The following CTR9 variants were observed in gnomAD, a reference collection of about 807,000 sequenced individuals.
CTR9 encodes RNA polymerase-associated protein CTR9 homolog.
A neutral mutation model predicts 152.1 loss-of-function variants in CTR9; 41 were observed. The ratio of observed to expected loss-of-function variants is 0.27; its 90% confidence interval spans 0.21 to 0.35. The LOEUF is 0.35. Among genes scored for constraint, CTR9 ranks in the 10% least tolerant of loss-of-function variants. CTR9 has a pLI of 1.00. For synonymous variants in CTR9, 476 were observed against 496.2 expected (o/e 0.96, Z 0.54); for missense variants, 917 against 1,424.4 (o/e 0.64, Z 5.73).
chr11:10,773,346 G>A, intron 21 of CTR9, 73 bp downstream of exon 21: 1 of 1,556,120 alleles, frequency 6.4e-7, no homozygotes, highest in Non-Finnish European at 8.7e-7. Context: ...AGGATAATTG[G>A]TTAAATTCCT....
At chr11:10,765,198 G>T (rs552822487) in intron 12 of CTR9, among the ~76,000 whole-genome samples, 166 of 152,160 alleles carry the variant, frequency 1.1e-3, no homozygotes, top group African/African-American at 3.8e-3. Context: ...AATAATTTAG[G>T]CCTGGCATGG....
At position 10,754,977 on chromosome 11, in the gene CTR9, G is replaced by A; in HGVS notation, c.164G>A (p.Gly55Glu). Residue 55 changes from glycine to glutamate, a missense_variant, in exon 3 of 25, where the codon GGA becomes GAA. Physicochemically the swap from Gly to Glu is moderately conservative, Grantham distance 98. Transcript: ENST00000361367. Reference sequence around the variant, plus strand: ...TTATAGCTGGAATACTACAAGCAAGGAAAAACAGAAGAGTTTGTAAAATTG... The same window carrying A: ...TTATAGCTGGAATACTACAAGCAAGAAAAAACAGAAGAGTTTGTAAAATTG... Reference protein sequence around the residue: ...IALALEYYKQGKTEEFVKLLE... With the variant: ...IALALEYYKQEKTEEFVKLLE... The A allele has an allele frequency of 6.2e-7, 1 of 1,613,750 alleles. No individual in the cohort carries two copies. Among genetic ancestry groups the A allele is most frequent in the Non-Finnish European group, 8.5e-7 (1 of 1,179,864 alleles).
intron 11 of CTR9, 32 bp downstream of exon 11, chr11:10,764,468 A>T (rs1863027578): frequency 6.4e-7 from 1 of 1,561,986 alleles, no homozygotes; most frequent in Non-Finnish European, 8.6e-7. Context: ...CTTCTTTTAT[A>T]CTGAATCAAG....
At chr11:10,775,401 A>G in intron 23 of CTR9, 98 bp downstream of exon 23, 3 of 1,395,150 alleles carry the variant, frequency 2.2e-6, no homozygotes, top group Non-Finnish European at 3.0e-6. Context: ...TCAAGCACAA[A>G]TGCTTGTTTT....
intron 22 of CTR9, among the ~76,000 whole-genome samples, 199 bp from the exon 23 acceptor site, chr11:10,775,008 A>C (rs1301841828): frequency 6.6e-6 from 1 of 152,248 alleles, no homozygotes; most frequent in Non-Finnish European, 1.5e-5. Context: ...GACATTGCAT[A>C]AATACATAGT....
intron 6 of CTR9, among the ~76,000 whole-genome samples, chr11:10,761,412 A>G (rs2135364722): frequency 6.6e-6 from 1 of 152,256 alleles, no homozygotes; most frequent in South Asian, 2.1e-4. Context: ...ATCCACCAGT[A>G]TCAGTCACAC....
rs777118381 is a variant in CTR9 at position 10,760,256 on chromosome 11, G to C, written c.676G>C (p.Glu226Gln). ...TCGTCTGGCATTCAGCAGAGCCCTG[G>C]AACTCAATTCCAAATGCGTGGGAGC... ...KARLAFSRALELNSKCVGALV... is the reference protein window; with the variant it reads ...KARLAFSRALQLNSKCVGALV... The change falls in exon 6 of 25, where the codon GAA becomes CAA. Residue 226 changes from glutamate to glutamine, a missense_variant. This residue lies in a region of CTR9 where 110 missense variants were observed against 149.5 expected (regional missense o/e 0.74). Coordinates refer to ENST00000361367, the MANE Select transcript of CTR9 (RefSeq NM_014633.5). The C allele has an allele frequency of 6.2e-7, 1 of 1,614,066 alleles. No individual in the cohort carries two copies. Among genetic ancestry groups the C allele is most frequent in the Non-Finnish European group, 8.5e-7 (1 of 1,179,962 alleles).
chr11:10,764,473 A>G, intron 11 of CTR9, 37 bp downstream of exon 11: 1 of 1,244,918 alleles, frequency 8.0e-7, no homozygotes, highest in Non-Finnish European at 1.1e-6. Flanking sequence ...TTTATACTGA[A>G]TCAAGTTGCA....
chr11:10,776,935 T>C (rs565236455), intron 24 of CTR9, among the ~76,000 whole-genome samples: 1 of 118,520 alleles, frequency 8.4e-6, no homozygotes, highest in Admixed American at 1.2e-4. Context: ...ATGGTACCAC[T>C]GCACTCCAGT....
chr11:10,770,472 A>G lies in CTR9; in HGVS notation c.2227-15A>G, dbSNP rs774837971. The G allele has an allele frequency of 1.9e-6, 3 of 1,604,684 alleles. No individual in the cohort carries two copies. The highest frequency in any genetic ancestry group is 1.1e-5 in the South Asian group (1 of 89,252). On this transcript the variant is annotated splice_polypyrimidine_tract_variant and intron_variant, in intron 17 of 24. Transcript: ENST00000361367. The stretch of plus-strand genomic sequence containing the variant: ...TGTCATTTGAACATATGAAATATTT[A>G]TTTTTTATTCACAGGCTAGACATGT...
chr11:10,758,492 C>T (rs1862922076), intron 5 of CTR9, among the ~76,000 whole-genome samples: 1 of 152,122 alleles, frequency 6.6e-6, no homozygotes, highest in Non-Finnish European at 1.5e-5. Flanking sequence ...AGATAACTCC[C>T]TTGCACAAGC....
rs1863083374 is a variant in CTR9 at position 10,767,850 on chromosome 11, A to G, written c.1731A>G (p.Ala577=). The change falls in exon 14 of 25, where the codon GCA becomes GCG. Residue 577 remains alanine (A), a synonymous_variant. Coordinates refer to ENST00000361367, the MANE Select transcript of CTR9 (RefSeq NM_014633.5). This position sits in a 1 kb window ranked among gnomAD's most constrained non-coding sequence, Gnocchi z 4.0. ...AWSLIGNLHL[A]KQEWGPGQKK... ...CTTTGATTGGCAATCTTCATTTGGC[A>G]AAACAAGAATGGGGTCCTGGGCAGA... 6.2e-7 allele frequency: 1 copy of G among 1,614,128 alleles called. No homozygotes were observed. Among genetic ancestry groups the G allele is most frequent in the Non-Finnish European group, 8.5e-7 (1 of 1,179,994 alleles).
intron 21 of CTR9, 100 bp from the exon 22 acceptor site, chr11:10,773,912 T>A: frequency 1.3e-6 from 1 of 743,134 alleles, no homozygotes; most frequent in Non-Finnish European, 2.1e-6. Flanking sequence ...AATCCTTCAT[T>A]GTCAAATGAC....
Position 10,773,042 on chromosome 11 carries a change from A to T in CTR9, c.2581-85A>T, listed in dbSNP as rs1590026525. The T allele has an allele frequency of 3.4e-6, 5 of 1,462,332 alleles. No homozygotes were observed. In the South Asian group the frequency reaches 4.0e-5, roughly 12 times the overall value. 90.6% of individuals were successfully genotyped at this position (1,462,332 alleles called of 1,614,324 possible). On this transcript the variant is annotated intron_variant, in intron 20 of 24. Coordinates refer to ENST00000361367, the MANE Select transcript of CTR9 (RefSeq NM_014633.5). The stretch of plus-strand genomic sequence containing the variant: ...ACTCCATCTCAAAAGAAAAAAAAAA[A>T]TCCTCTGCTTAGGATGGTAGCCATT...
chr11:10,774,262 C>T (rs887927675), intron 22 of CTR9, 93 bp downstream of exon 22: 2 of 1,436,334 alleles, frequency 1.4e-6, no homozygotes, highest in African/African-American at 2.9e-5. Context: ...AATTGATGAA[C>T]ACTTGATCCA....
At chr11:10,751,795 A>G (rs969413072) in intron 1 of CTR9, among the ~76,000 whole-genome samples, 23 of 152,162 alleles carry the variant, frequency 1.5e-4, no homozygotes, top group African/African-American at 5.3e-4. Flanking sequence ...CTCGCAGATT[A>G]CAGAGGTGGG....
At chr11:10,759,079 A>G (rs1411914433) in intron 5 of CTR9, among the ~76,000 whole-genome samples, 2 of 152,232 alleles carry the variant, frequency 1.3e-5, no homozygotes, top group African/African-American at 4.8e-5. Flanking sequence ...AATTCAGGAA[A>G]GAGGTCTGGG....
intron 13 of CTR9, 94 bp downstream of exon 13, chr11:10,766,584 G>A (rs1863063388): frequency 1.2e-6 from 1 of 846,246 alleles, no homozygotes; most frequent in Admixed American, 3.4e-5. Flanking sequence ...ACATCTTCCT[G>A]GTTTTGTCAT....
chr11:10,774,334 A>C, intron 22 of CTR9, 165 bp downstream of exon 22: 1 of 715,936 alleles, frequency 1.4e-6, no homozygotes, highest in South Asian at 2.6e-5. Context: ...CCCAGTACAA[A>C]ATCCACTGAG....
Sources: allele counts gnomAD v4.1 joint callset (sites outside exome capture counted in the v4.1 genomes callset), GRCh38; gene constraint gnomAD v4.1.1; regional missense constraint gnomAD v4.1.1; non-coding constraint Gnocchi (gnomAD v3.1); transcripts MANE v1.5; gene names NCBI Gene and HGNC (gene_info 2026-07-23, HGNC 2026-07-21).